Variants in ZCCHC9 observed in about 807,000 individuals in gnomAD.
ZCCHC9 encodes the protein zinc finger CCHC-type containing 9.
In ZCCHC9, 18 loss-of-function variants were observed where a neutral mutation model predicts 30.8. That is an observed-to-expected ratio of 0.58 (90% CI 0.40 to 0.87). The LOEUF (loss-of-function observed/expected upper bound fraction) is 0.87. Among genes scored for constraint, ZCCHC9 ranks in the 40% least tolerant of loss-of-function variants. The probability of loss-of-function intolerance (pLI) is 0.00; values close to 1 mark genes in which losing one functional copy is unlikely to be tolerated. For synonymous variants in ZCCHC9, 94 were observed against 106.7 expected (o/e 0.88, Z 0.73); for missense variants, 279 against 331.2 (o/e 0.84, Z 1.22).
Position 81,308,668 on chromosome 5 carries a change from G to A in ZCCHC9, c.492G>A (p.Glu164=), listed in dbSNP as rs1580495505. The A allele has an allele frequency of 6.2e-7, 1 of 1,613,430 alleles. No homozygotes were observed. Among genetic ancestry groups the A allele is most frequent in the Non-Finnish European group, 8.5e-7 (1 of 1,179,724 alleles). ...TGICYRCGST[E]HEITKCKAKV... ...TATGTTACAGGTGTGGGTCCACAGA[G>A]CACGAAATAACCAAGTGTAAGGCTA... The change falls in exon 3 of 6, where the codon GAG becomes GAA. Residue 164 remains glutamate, a synonymous_variant. Transcript: ENST00000407610.
rs1318055917 is a variant in ZCCHC9, at chr5:81,301,705, T to A, written c.-18+7T>A. On this transcript the variant is annotated splice_region_variant and intron_variant, in intron 1 of 5. Coordinates refer to ENST00000407610, the MANE Select transcript of ZCCHC9 (RefSeq NM_001131035.2). ...TGCGCGGTAGCGCGGTGAGGTGAGGTTCTCAGCCACCAAAGCTGCAGGGTC... is the reference window on the plus strand; with the variant it reads ...TGCGCGGTAGCGCGGTGAGGTGAGGATCTCAGCCACCAAAGCTGCAGGGTC... 6.6e-6 allele frequency: 1 copy of A among 152,404 alleles called. No individual in the cohort carries two copies. The highest frequency in any genetic ancestry group is 1.5e-5 in the Non-Finnish European group (1 of 68,270). 9.4% of individuals were successfully genotyped at this position (152,404 alleles called of 1,614,324 possible).
intron 5 of ZCCHC9, 47 bp downstream of exon 5, chr5:81,311,326 T>G: frequency 1.3e-6 from 2 of 1,577,252 alleles, no homozygotes; most frequent in Non-Finnish European, 1.7e-6. Context: ...TTAGTATTCC[T>G]CTGCGTTTTA....
intron 1 of ZCCHC9, chr5:81,302,640 C>T (rs1459656214): frequency 6.6e-6 from 1 of 152,264 alleles, no homozygotes; most frequent in Non-Finnish European, 1.5e-5. Flanking sequence ...CCTGTTACTC[C>T]TAGTCTACAG....
Position 81,313,201 on chromosome 5 carries a change from G to A in ZCCHC9, c.*539G>A, listed in dbSNP as rs1365423448. 1.3e-5 allele frequency: 2 copies of A among 152,118 alleles called. No homozygotes were observed. Among genetic ancestry groups the A allele is most frequent in the African/African-American group, 4.8e-5 (2 of 41,504 alleles). 9.4% of individuals were successfully genotyped at this position (152,118 alleles called of 1,614,324 possible). On this transcript the variant is annotated 3_prime_UTR_variant, in exon 6 of 6. Coordinates refer to ENST00000407610, the MANE Select transcript of ZCCHC9 (RefSeq NM_001131035.2). The stretch of plus-strand genomic sequence containing the variant: ...TTGATTCTCGATTGAAATATCCATT[G>A]TTCGTTAATATCCATGTAACAATCC...
chr5:81,309,180 TC>T, intron 4 of ZCCHC9, 142 bp downstream of exon 4: 1 of 607,158 alleles, frequency 1.6e-6, no homozygotes, highest in Admixed American at 3.6e-5. Flanking sequence ...TCAAGTGCTA[TC>T]ATATGTACTA....
Position 81,308,841 on chromosome 5 carries a change from T to TAA in ZCCHC9, c.536-104_536-103dup. 6 of 1,378,052 alleles carry TAA rather than the reference T, an allele frequency of 4.4e-6. No homozygotes were observed. In the South Asian group the frequency reaches 9.2e-5, roughly 21 times the overall value. The allele number at this position is 1,378,052 out of a possible 1,614,324, so 85.4% of individuals were successfully genotyped here. ...TTGGAAATCATATGAGATTAAATTT[T>TAA]AAGTTATGTAAATATATTTTTTATT... On this transcript the variant is annotated intron_variant, in intron 3 of 5. Transcript: ENST00000407610.
intron 2 of ZCCHC9, among the ~76,000 whole-genome samples, chr5:81,305,898 T>G (rs960555860): frequency 3.9e-5 from 6 of 152,218 alleles, no homozygotes; most frequent in Non-Finnish European, 7.3e-5. Context: ...AAGGATGTTC[T>G]TTATCTATGA....
intron 1 of ZCCHC9, chr5:81,302,922 A>G (rs779156766): frequency 5.9e-5 from 9 of 152,136 alleles, no homozygotes; most frequent in Non-Finnish European, 1.3e-4. Context: ...AGTTTATTAA[A>G]AATAAGGTAA....
At chr5:81,303,667 G>GT in intron 1 of ZCCHC9, 1 of 152,190 alleles carries the variant, frequency 6.6e-6, no homozygotes, top group Non-Finnish European at 1.5e-5. Flanking sequence ...CATTATGCTT[G>GT]TATATGACTG....
At chr5:81,305,692 G>C (rs565128130) in intron 2 of ZCCHC9, among the ~76,000 whole-genome samples, 19 of 152,004 alleles carry the variant, frequency 1.2e-4, no homozygotes, top group Non-Finnish European at 2.6e-4. Flanking sequence ...CTGGGAGGTC[G>C]AGGCTACAGT....
intron 4 of ZCCHC9, among the ~76,000 whole-genome samples, chr5:81,310,157 TAA>T (rs71000814): frequency 0.2 from 21,356 of 104,474 alleles, 2,082 homozygotes; most frequent in Admixed American, 0.33. Context: ...TGACTAGCTG[TAA>T]AAAAAAAAAA....
intron 2 of ZCCHC9, among the ~76,000 whole-genome samples, chr5:81,307,524 G>A (rs558791047): frequency 2.6e-4 from 40 of 151,810 alleles, no homozygotes; most frequent in Non-Finnish European, 4.6e-4. Context: ...GTGGTGGTGC[G>A]TGCTTGTAAT....
chr5:81,308,300 C>T (rs903962188), intron 2 of ZCCHC9: 29 of 310,980 alleles, frequency 9.3e-5, no homozygotes, highest in South Asian at 3.8e-4. Context: ...AAGCAATTGC[C>T]GTCTACAAAG....
intron 2 of ZCCHC9, among the ~76,000 whole-genome samples, chr5:81,306,140 T>C (rs1388090227): frequency 6.6e-6 from 1 of 152,170 alleles, no homozygotes; most frequent in Non-Finnish European, 1.5e-5. Context: ...CTTCTCTAAG[T>C]GAGTTTCCCA....
intron 4 of ZCCHC9, among the ~76,000 whole-genome samples, chr5:81,310,581 T>C (rs985942234): frequency 1.3e-5 from 2 of 152,190 alleles, no homozygotes; most frequent in African/African-American, 4.8e-5. Context: ...CATTAAGCAA[T>C]AGTGTTTGAT....
intron 3 of ZCCHC9, 91 bp downstream of exon 3, chr5:81,308,802 G>A (rs767594683): frequency 4.0e-6 from 6 of 1,487,814 alleles, no homozygotes; most frequent in Non-Finnish European, 5.4e-6. Context: ...TGTTACGAGT[G>A]TGCCACTTAG....
intron 2 of ZCCHC9, among the ~76,000 whole-genome samples, chr5:81,306,645 CT>C (rs745756577): frequency 4.0e-5 from 6 of 151,870 alleles, no homozygotes; most frequent in Non-Finnish European, 7.4e-5. Context: ...AATTTACTTC[CT>C]TGGTATTTTT....
Position 81,308,558 on chromosome 5 carries a change from T to TA in ZCCHC9, c.385-2dup. 2 of 1,609,134 alleles carry TA rather than the reference T, an allele frequency of 1.2e-6. No individual in the cohort carries two copies. Among genetic ancestry groups the TA allele is most frequent in the East Asian group, 4.5e-5 (2 of 44,782 alleles). On this transcript the variant is annotated splice_polypyrimidine_tract_variant and splice_region_variant and intron_variant, in intron 2 of 5. Coordinates refer to ENST00000407610, the MANE Select transcript of ZCCHC9 (RefSeq NM_001131035.2). ...CGTGCCAACCTACGTTTTGTTTTCC[T>TA]AGGTGTGTTTCCATTGTAGAAAACC...
At chr5:81,308,301 G>A (rs574892212) in intron 2 of ZCCHC9, 67 of 313,678 alleles carry the variant, frequency 2.1e-4, no homozygotes, top group Middle Eastern at 1.8e-3. Flanking sequence ...AGCAATTGCC[G>A]TCTACAAAGC....
Sources: allele counts gnomAD v4.1 joint callset (sites outside exome capture counted in the v4.1 genomes callset), GRCh38; gene constraint gnomAD v4.1.1; transcripts MANE v1.5; gene names NCBI Gene and HGNC (gene_info 2026-07-23, HGNC 2026-07-21).